MROH1: variants seen among roughly 807,000 people sequenced by gnomAD.
MROH1 encodes the protein maestro heat-like repeat-containing protein family member 1.
A neutral mutation model predicts 116.5 loss-of-function variants in MROH1; 117 were observed. The observed-to-expected ratio is 1.00, with a 90% CI of 0.86 to 1.17. The LOEUF is 1.17. Among genes scored for constraint, MROH1 ranks in the 50% most tolerant of loss-of-function variants. The pLI is 0.00. For synonymous variants in MROH1, 921 were observed against 583.9 expected (o/e 1.58, Z -8.32); for missense variants, 1,873 against 1,338.5 (o/e 1.40, Z -6.23).
In MROH1 at chr8:144,243,578, C is replaced by G. The variant is rs1312744186; in HGVS notation, c.2437C>G (p.His813Asp). The G allele has an allele frequency of 9.5e-5, 74 of 780,062 alleles. No homozygotes were observed. The highest frequency in any genetic ancestry group is 1.3e-4 in the Non-Finnish European group (56 of 417,832). 48.3% of individuals were successfully genotyped at this position (780,062 alleles called of 1,614,324 possible). A position where few individuals can be genotyped will look rare whatever the true frequency, so the allele number is the denominator to read the frequency against. Residue 813 changes from histidine (H) to aspartate (D), a missense_variant, in exon 25 of 44, where the codon CAC becomes GAC. By Grantham distance (81) the His-to-Asp change is moderately conservative. Transcript: ENST00000326134. ...ICSSTQAGSF[H>D]FTRKAELVAQ... The stretch of plus-strand genomic sequence containing the variant: ...CAGCAGCACCCAGGCTGGCTCCTTC[C>G]ACTTCACCCGGAAAGCAGAGCTGGT...
At chr8:144,249,726 G>A (rs968287383) in intron 32 of MROH1, among the ~76,000 whole-genome samples, 4 of 152,226 alleles carry the variant, frequency 2.6e-5, no homozygotes, top group East Asian at 1.9e-4. Context: ...CCATCCTTCC[G>A]TCTCAGGCCC....
intron 12 of MROH1, among the ~76,000 whole-genome samples, chr8:144,214,888 T>A (rs932907575): frequency 6.6e-6 from 1 of 152,222 alleles, no homozygotes; most frequent in Non-Finnish European, 1.5e-5. Flanking sequence ...AGGAAGCCAG[T>A]CCCAGTCCCA....
intron 4 of MROH1, among the ~76,000 whole-genome samples, chr8:144,169,458 A>ATTTT (rs5895786): frequency 2.8e-5 from 4 of 144,690 alleles, no homozygotes; most frequent in African/African-American, 1.0e-4. Context: ...CATTATTGTT[A>ATTTT]TTTTTTTTTT....
rs938579316 is a variant in MROH1 at position 144,250,217 on chromosome 8, C to T, written c.3279C>T (p.Pro1093=). The stretch of plus-strand genomic sequence containing the variant: ...CGTGTCCCGCCCATCTACAGGTGCC[C>T]GAGATCGTGAGCGTCCTGCGCTCCA... ...ERGGVLQEKV[P]EIVSVLRSKL... is the part of the protein sequence containing the mutation. Residue 1093 remains proline (P), a synonymous_variant, in exon 33 of 44, where the codon CCC becomes CCT. Coordinates refer to ENST00000326134, the MANE Select transcript of MROH1 (RefSeq NM_032450.3). The T allele has an allele frequency of 3.4e-4, 258 of 766,762 alleles. 3 individuals are homozygous for T. The highest frequency in any genetic ancestry group is 2.6e-3 in the South Asian group (188 of 73,724). 47.5% of individuals were successfully genotyped at this position (766,762 alleles called of 1,614,324 possible).
intron 36 of MROH1, 110 bp downstream of exon 36, chr8:144,259,024 GCCCTGGGCT>G: frequency 1.6e-6 from 1 of 642,072 alleles, no homozygotes; most frequent in Non-Finnish European, 2.8e-6. Context: ...GGCCAATGGT[GCCCTGGGCT>G]CCTGCCTGTT....
At chr8:144,261,614 G>A (rs782602839) in intron 43 of MROH1, 41 bp from the exon 44 acceptor site, 52 of 701,910 alleles carry the variant, frequency 7.4e-5, no homozygotes, top group South Asian at 1.8e-4. Context: ...TGGGCATGCC[G>A]AGGTCACAGC....
At chr8:144,183,008 G>A (rs958967249) in intron 7 of MROH1, among the ~76,000 whole-genome samples, 22 of 152,086 alleles carry the variant, frequency 1.4e-4, no homozygotes, top group Non-Finnish European at 2.9e-4. Flanking sequence ...CCTCGGAGGC[G>A]GAGGCTGCAG....
At chr8:144,175,786 C>A (rs373596002) in intron 4 of MROH1, among the ~76,000 whole-genome samples, 1 of 152,210 alleles carries the variant, frequency 6.6e-6, no homozygotes, top group Non-Finnish European at 1.5e-5. Context: ...CTCGGTGGCT[C>A]ACGCCTGTAA....
chr8:144,243,160 G>T (rs1841307903), intron 24 of MROH1, among the ~76,000 whole-genome samples: 1 of 152,256 alleles, frequency 6.6e-6, no homozygotes, highest in Non-Finnish European at 1.5e-5. Context: ...TGGTTCTCCT[G>T]CGGTGGCTGG....
At position 144,239,044 on chromosome 8, in the gene MROH1, C is replaced by T. The variant is rs1840518279; in HGVS notation, c.1456C>T (p.Pro486Ser). The change falls in exon 16 of 44, where the codon CCA becomes TCA. Residue 486 changes from proline to serine, a missense_variant. Physicochemically the swap from Pro to Ser is moderately conservative, Grantham distance 74. Coordinates refer to ENST00000326134, the MANE Select transcript of MROH1 (RefSeq NM_032450.3). ...TVDRMSHVLW[P>S]YLLQFLTPVR... ...CCCTCTGCTCCCCTAGGTCCTCTGG[C>T]CATACCTGCTCCAGTTCCTCACCCC... 1.3e-5 allele frequency: 10 copies of T among 778,208 alleles called. No individual in the cohort carries two copies. The highest frequency in any genetic ancestry group is 2.2e-5 in the Non-Finnish European group (9 of 417,772). 48.2% of individuals were successfully genotyped at this position (778,208 alleles called of 1,614,324 possible).
intron 36 of MROH1, 142 bp downstream of exon 36, chr8:144,259,056 C>T: frequency 3.1e-6 from 2 of 647,860 alleles, no homozygotes; most frequent in South Asian, 1.7e-5. Flanking sequence ...CTCTCTGGGG[C>T]AGGGGTAGGG....
At chr8:144,230,598 A>AT (rs895168311) in intron 14 of MROH1, among the ~76,000 whole-genome samples, 2 of 150,264 alleles carry the variant, frequency 1.3e-5, no homozygotes, top group Non-Finnish European at 3.0e-5. Flanking sequence ...TTGGCTTATA[A>AT]TTTTTTTCTT....
chr8:144,178,511 C>T lies in MROH1; in HGVS notation c.169-944C>T, dbSNP rs574451120. ...CTTGAACCCCTGACATCAGGTGATC[C>T]GCCCGCCTCGGCCTCCCTAAGTGTT... On this transcript the variant is annotated intron_variant, in intron 4 of 43. Coordinates refer to ENST00000326134, the MANE Select transcript of MROH1 (RefSeq NM_032450.3). Among the ~76,000 whole-genome samples, 12 of 152,200 alleles carry T rather than the reference C, an allele frequency of 7.9e-5. No individual in the cohort carries two copies. In the East Asian group the frequency reaches 1.2e-3, roughly 15 times the overall value.
At chr8:144,164,803 T>G (rs559827601) in intron 3 of MROH1, among the ~76,000 whole-genome samples, 5 of 152,170 alleles carry the variant, frequency 3.3e-5, no homozygotes, top group Non-Finnish European at 7.3e-5. Flanking sequence ...TATCTTAGAT[T>G]GGGTAATTAA....
intron 12 of MROH1, chr8:144,213,869 A>G (rs1402348939): frequency 6.6e-6 from 1 of 152,240 alleles, no homozygotes; most frequent in Non-Finnish European, 1.5e-5. Flanking sequence ...CTATTCTGGC[A>G]TAAAGCATTG....
intron 12 of MROH1, 111 bp from the exon 13 acceptor site, chr8:144,220,489 C>G (rs1022735512): frequency 1.2e-6 from 1 of 841,918 alleles, no homozygotes; most frequent in Non-Finnish European, 1.8e-6. Flanking sequence ...CTTATGCTCC[C>G]TCTTCCTCCT....
chr8:144,243,544 C>T lies in MROH1; in HGVS notation c.2403C>T (p.Arg801=), dbSNP rs1278933229. 6 of 780,116 alleles carry T rather than the reference C, an allele frequency of 7.7e-6. No individual in the cohort carries two copies. The highest frequency in any genetic ancestry group is 1.7e-5 in the African/African-American group (1 of 59,152). 48.3% of individuals were successfully genotyped at this position (780,116 alleles called of 1,614,324 possible). ...TCCAGAGTGTGTGCATGGTCAGCCGCGCCATCTGCAGCAGCACCCAGGCTG... is the reference window on the plus strand; with the variant it reads ...TCCAGAGTGTGTGCATGGTCAGCCGTGCCATCTGCAGCAGCACCCAGGCTG... ...CLVQSVCMVS[R]AICSSTQAGS... Residue 801 remains arginine, a synonymous_variant, in exon 25 of 44, where the codon CGC becomes CGT. Transcript: ENST00000326134.
chr8:144,185,174 T>G (rs1192309159), intron 7 of MROH1, among the ~76,000 whole-genome samples: 1 of 152,158 alleles, frequency 6.6e-6, no homozygotes, highest in Non-Finnish European at 1.5e-5. Context: ...GCCTGCCGGT[T>G]CCACTGGAAT....
Position 144,161,619 on chromosome 8 carries a change from T to C in MROH1, c.-57+530T>C, listed in dbSNP as rs1202549819. 3.3e-5 allele frequency among the ~76,000 whole-genome samples: 5 copies of C among 152,236 alleles called. No homozygotes were observed. In the East Asian group the frequency reaches 9.7e-4, roughly 29 times the overall value. ...TGATGTCCATTGTCCTGAGAAACAGTGGTTTCTTGTGTCTCGTCCAGTTTT... is the reference window on the plus strand; with the variant it reads ...TGATGTCCATTGTCCTGAGAAACAGCGGTTTCTTGTGTCTCGTCCAGTTTT... On this transcript the variant is annotated intron_variant, in intron 2 of 43. Transcript: ENST00000326134.
Sources: gnomAD v4.1 joint callset for allele counts (sites outside exome capture counted in the v4.1 genomes callset) on GRCh38, gnomAD v4.1.1 for gene constraint, MANE v1.5 for transcripts, NCBI Gene and HGNC (gene_info 2026-07-23, HGNC 2026-07-21) for gene names.